Variants in SLC35F1 observed in about 807,000 individuals in gnomAD.
SLC35F1 encodes solute carrier family 35 member F1.
Under a neutral mutation model 48.7 loss-of-function variants are expected in SLC35F1, and 14 were observed. That is an observed-to-expected ratio of 0.29 (90% CI 0.19 to 0.45). SLC35F1 has a LOEUF of 0.45. SLC35F1 is among the 20% of genes least tolerant of loss of function. The pLI, the probability that SLC35F1 is intolerant of heterozygous loss-of-function variation, is 1.00. For missense variants in SLC35F1, 404 were observed against 500.0 expected, an observed-to-expected ratio of 0.81 and a Z score of 1.83; for synonymous variants, 190 against 202.2, an observed-to-expected ratio of 0.94 and a Z score of 0.51.
At chr6:118,125,121 G>C (rs571248672) in intron 1 of SLC35F1, among the ~76,000 whole-genome samples, 1 of 152,112 alleles carries the variant, frequency 6.6e-6, no homozygotes, top group Admixed American at 6.6e-5. Flanking sequence ...GCAGGCATGG[G>C]TGTATACAAA....
chr6:118,112,094 TTC>T (rs760424237), intron 1 of SLC35F1, among the ~76,000 whole-genome samples: 1,919 of 53,936 alleles, frequency 0.036, 50 homozygotes, highest in African/African-American at 0.11. Flanking sequence ...TTCTTTTCTT[TTC>T]TTTTCTTTTC....
At chr6:118,072,082 A>G (rs535141150) in intron 1 of SLC35F1, among the ~76,000 whole-genome samples, 1 of 152,344 alleles carries the variant, frequency 6.6e-6, no homozygotes, top group East Asian at 1.9e-4. Context: ...TATGCATCTT[A>G]CATTACCTTT....
intron 1 of SLC35F1, among the ~76,000 whole-genome samples, chr6:118,018,801 T>A (rs1193798630): frequency 2.0e-5 from 3 of 152,174 alleles, no homozygotes; most frequent in Non-Finnish European, 4.4e-5. Context: ...CAGATTTATA[T>A]TATTAGGCCA....
At chr6:118,299,110 G>T (rs1272951026) in intron 7 of SLC35F1, among the ~76,000 whole-genome samples, 1 of 152,112 alleles carries the variant, frequency 6.6e-6, no homozygotes, top group Non-Finnish European at 1.5e-5. Flanking sequence ...CAGCCTGGGG[G>T]GTCGAGGCTG....
intron 1 of SLC35F1, among the ~76,000 whole-genome samples, chr6:118,127,711 A>G: frequency 6.6e-6 from 1 of 151,940 alleles, no homozygotes; most frequent in Non-Finnish European, 1.5e-5. Context: ...AAAACCCTAG[A>G]AGAAAACCTA....
intron 1 of SLC35F1, among the ~76,000 whole-genome samples, chr6:117,977,287 C>T (rs1329312355): frequency 6.6e-6 from 1 of 151,560 alleles, no homozygotes; most frequent in Non-Finnish European, 1.5e-5. Context: ...ACCTCTGCCT[C>T]CCGGGTTCAA....
At chr6:118,279,696 G>A (rs1258868333) in intron 6 of SLC35F1, among the ~76,000 whole-genome samples, 1 of 152,182 alleles carries the variant, frequency 6.6e-6, no homozygotes, top group East Asian at 1.9e-4. Context: ...GGGAAGGTCA[G>A]CACCCTCTCA....
chr6:117,923,691 G>GTATA lies in SLC35F1; in HGVS notation c.173+15794_173+15795insTATA, dbSNP rs1562238793. ...TACATATATGTACATATATACATATGTACATATACATATATGTACATATAT... is the reference window on the plus strand; with the variant it reads ...TACATATATGTACATATATACATATGTATATACATATACATATATGTACATATAT... On this transcript the variant is annotated intron_variant, in intron 1 of 7. Transcript: ENST00000360388. Among the ~76,000 whole-genome samples the GTATA allele has an allele frequency of 8.1e-4, 6 of 7,432 alleles. 1 individual carries two copies. Among genetic ancestry groups the GTATA allele is most frequent in the African/African-American group, 1.7e-3 (5 of 2,990 alleles). The allele number at this position is 7,432 out of a possible 152,430, so 4.9% of individuals were successfully genotyped here.
intron 1 of SLC35F1, among the ~76,000 whole-genome samples, chr6:117,936,795 C>T (rs765245002): frequency 6.6e-6 from 1 of 152,080 alleles, no homozygotes; most frequent in Non-Finnish European, 1.5e-5. Context: ...AAAGATGTCT[C>T]AAATCTGGAT....
chr6:118,092,616 G>GCTACTC (rs1468233063), intron 1 of SLC35F1, among the ~76,000 whole-genome samples: 1 of 152,242 alleles, frequency 6.6e-6, no homozygotes, highest in Admixed American at 6.5e-5. Context: ...GCCAGCCCAT[G>GCTACTC]AAAGTAGCAT....
At chr6:118,039,822 C>CTTTTTTTTT (rs1772188148) in intron 1 of SLC35F1, among the ~76,000 whole-genome samples, 2 of 53,466 alleles carry the variant, frequency 3.7e-5, no homozygotes, top group African/African-American at 5.1e-5. Flanking sequence ...TTTTTTTTTG[C>CTTTTTTTTT]TTCAGACTGG....
Position 118,254,404 on chromosome 6 carries a change from C to T in SLC35F1, c.478-12591C>T, listed in dbSNP as rs146263911. 8.7e-3 allele frequency among the ~76,000 whole-genome samples: 1,331 copies of T among 152,288 alleles called. 13 individuals are homozygous for T. The highest frequency in any genetic ancestry group is 0.03 in the African/African-American group (1,245 of 41,544). On this transcript the variant is annotated intron_variant, in intron 3 of 7. Transcript: ENST00000360388. ...TCAAGTGATCCTACCACCTCAGCCTCCCACGTGGCTGGGACTATAGGTGTG... is the reference window on the plus strand; with the variant it reads ...TCAAGTGATCCTACCACCTCAGCCTTCCACGTGGCTGGGACTATAGGTGTG...
chr6:118,118,877 C>A (rs1773508655), intron 1 of SLC35F1, among the ~76,000 whole-genome samples: 1 of 151,878 alleles, frequency 6.6e-6, no homozygotes, highest in Admixed American at 6.6e-5. Flanking sequence ...AAATGCAAAC[C>A]TCTGAGATGA....
At chr6:118,277,675 C>G (rs1041001851) in intron 6 of SLC35F1, 129 bp downstream of exon 6, 1 of 778,580 alleles carries the variant, frequency 1.3e-6, no homozygotes, top group Admixed American at 2.1e-5. Flanking sequence ...AAAATGAAAT[C>G]CCTTTGTCAT....
At chr6:118,054,071 GTGTT>G (rs1772429141) in intron 1 of SLC35F1, among the ~76,000 whole-genome samples, 1 of 152,174 alleles carries the variant, frequency 6.6e-6, no homozygotes, top group Admixed American at 6.5e-5. Context: ...GGCTGAAGAT[GTGTT>G]TGTTGAATAT....
intron 3 of SLC35F1, among the ~76,000 whole-genome samples, chr6:118,245,979 G>A (rs1167544592): frequency 6.6e-6 from 1 of 152,122 alleles, no homozygotes; most frequent in Non-Finnish European, 1.5e-5. Flanking sequence ...CACAATCAGT[G>A]GATGAGAGGG....
At chr6:117,982,996 C>T (rs1776801863) in intron 1 of SLC35F1, among the ~76,000 whole-genome samples, 1 of 152,192 alleles carries the variant, frequency 6.6e-6, no homozygotes, top group Non-Finnish European at 1.5e-5. Context: ...CATTATCCAG[C>T]ATCATTCCCT....
At chr6:117,933,182 T>C (rs1339019634) in intron 1 of SLC35F1, among the ~76,000 whole-genome samples, 2 of 152,348 alleles carry the variant, frequency 1.3e-5, no homozygotes, top group Non-Finnish European at 2.9e-5. Context: ...TGGTAGTGTC[T>C]CTTGGACATG....
intron 1 of SLC35F1, among the ~76,000 whole-genome samples, chr6:118,044,748 T>A (rs147885001): frequency 6.6e-6 from 1 of 152,244 alleles, no homozygotes; most frequent in Non-Finnish European, 1.5e-5. Flanking sequence ...ATCTTCTTTC[T>A]CCTCCTGTCC....
Sources: allele counts gnomAD v4.1 joint callset (sites outside exome capture counted in the v4.1 genomes callset), GRCh38; gene constraint gnomAD v4.1.1; transcripts MANE v1.5; gene names NCBI Gene and HGNC (gene_info 2026-07-23, HGNC 2026-07-21).